The following UNC13B variants were observed in gnomAD, a reference collection of about 807,000 sequenced individuals.
UNC13B encodes the protein protein unc-13 homolog B.
In UNC13B, 144 loss-of-function variants were observed where a neutral mutation model predicts 211.0. The ratio of observed to expected loss-of-function variants is 0.68; its 90% CI spans 0.60 to 0.78. The LOEUF (loss-of-function observed/expected upper bound fraction) is 0.78. Among genes scored for constraint, UNC13B ranks in the 30% least tolerant of loss-of-function variants. UNC13B has a pLI of 0.00. For missense variants in UNC13B, 1,777 were observed against 2,002.0 expected, an observed-to-expected ratio of 0.89 and a Z score of 2.14; for synonymous variants, 709 against 725.8, an observed-to-expected ratio of 0.98 and a Z score of 0.37.
chr9:35,395,703 T>C (rs146149570), intron 26 of UNC13B, among the ~76,000 whole-genome samples: 4 of 152,350 alleles, frequency 2.6e-5, no homozygotes, highest in Non-Finnish European at 5.9e-5. Context: ...CTCCAGACTC[T>C]GAGCAAATTG....
At position 35,302,392 on chromosome 9, in the gene UNC13B, T is replaced by C. The variant is rs1829728897; in HGVS notation, c.2988T>C (p.Pro996=). The change falls in exon 9 of 40, where the codon CCT becomes CCC. Residue 996 remains proline, a synonymous_variant. Coordinates refer to ENST00000635942, the MANE Select transcript of UNC13B (RefSeq NM_001371189.2). ...ATAAGAATGACCAAGTAAATTGTCC[T>C]GAAGATGCCAAACTTAGTTCAATAA... The part of the protein sequence containing the change: ...EFNKNDQVNC[P]EDAKLSSIKS... 7.5e-6 allele frequency: 3 copies of C among 398,534 alleles called. No individual in the cohort carries two copies. In the South Asian group the frequency reaches 3.8e-4, roughly 51 times the overall value. The allele number at this position is 398,534 out of a possible 1,614,324, so 24.7% of individuals were successfully genotyped here. A position where few individuals can be genotyped will look rare whatever the true frequency, so the allele number is the denominator to read the frequency against.
chr9:35,179,759 C>T (rs1821833801), intron 1 of UNC13B, among the ~76,000 whole-genome samples: 1 of 152,054 alleles, frequency 6.6e-6, no homozygotes, highest in Non-Finnish European at 1.5e-5. Flanking sequence ...CCACTGTGCC[C>T]TAGCCCAGCC....
intron 1 of UNC13B, among the ~76,000 whole-genome samples, chr9:35,186,035 A>T (rs1282756320): frequency 6.6e-6 from 1 of 152,056 alleles, no homozygotes; most frequent in African/African-American, 2.4e-5. Flanking sequence ...CTGAAAAACT[A>T]CTTCAGGGCA....
rs2131822251 is a variant in UNC13B at position 35,300,510 on chromosome 9, T to G, written c.1106T>G (p.Ile369Ser). ...GTCACTAATTTTACCTCATTAGATA[T>G]TCTTGAAGATTCTACTAGTAGTACT... ...QHVTNFTSLD[I>S]LEDSTSSTSD... is the part of the protein sequence containing the mutation. Residue 369 changes from isoleucine to serine, a missense_variant, in exon 9 of 40, where the codon ATT becomes AGT. By Grantham distance (142) the Ile-to-Ser change is moderately radical. Transcript: ENST00000635942. The G allele has an allele frequency of 2.5e-6, 1 of 399,032 alleles. No homozygotes were observed. Among genetic ancestry groups the G allele is most frequent in the Middle Eastern group, 6.3e-4 (1 of 1,588 alleles). The allele number at this position is 399,032 out of a possible 1,614,324, so 24.7% of individuals were successfully genotyped here.
chr9:35,183,340 T>C lies in UNC13B; in HGVS notation c.22+21035T>C, dbSNP rs1158175167. Among the ~76,000 whole-genome samples, 12 of 110,788 alleles carry C rather than the reference T, an allele frequency of 1.1e-4. 4 individuals carry two copies. The highest frequency in any genetic ancestry group is 3.8e-4 in the Admixed American group (4 of 10,456). 72.7% of individuals were successfully genotyped at this position (110,788 alleles called of 152,430 possible). A position where few individuals can be genotyped will look rare whatever the true frequency, so the allele number is the denominator to read the frequency against. On this transcript the variant is annotated intron_variant, in intron 1 of 39. Coordinates refer to ENST00000635942, the MANE Select transcript of UNC13B (RefSeq NM_001371189.2). ...CGGGGCAGCCGGGCAGAGGCGCCCC[T>C]CACCTCCCAGGCGGGGCGGCCGGGC...
At chr9:35,383,590 AG>A (rs1216016617) in intron 21 of UNC13B, among the ~76,000 whole-genome samples, 1 of 152,206 alleles carries the variant, frequency 6.6e-6, no homozygotes, top group Non-Finnish European at 1.5e-5. Flanking sequence ...TATGAGTTCT[AG>A]GAGTGGGATG....
chr9:35,168,658 C>A (rs960397387), intron 1 of UNC13B, among the ~76,000 whole-genome samples: 1 of 147,982 alleles, frequency 6.8e-6, no homozygotes, highest in Admixed American at 6.7e-5. Flanking sequence ...ATGTACTTTT[C>A]TTTCTTATTT....
At position 35,370,385 on chromosome 9, in the gene UNC13B, G is replaced by A. The variant is rs778729417; in HGVS notation, c.9529G>A (p.Val3177Ile). 12 of 1,613,742 alleles carry A rather than the reference G, an allele frequency of 7.4e-6. No individual in the cohort carries two copies. The East Asian group carries it at 2.5e-4, about 33-fold the overall frequency. Residue 3177 changes from valine (V) to isoleucine (I), a missense_variant, in exon 13 of 40, where the codon GTC becomes ATC. Transcript: ENST00000635942. ...ACGCAGAAAGAAGCCACTGCCACTT[G>A]TCAGTGATCTGGTGAGTGAAGACTC... ...DLRRKKPLPL[V>I]SDLSLVQSRK...
At chr9:35,383,963 CAT>C (rs1376393364) in intron 21 of UNC13B, among the ~76,000 whole-genome samples, 2 of 152,332 alleles carry the variant, frequency 1.3e-5, no homozygotes, top group East Asian at 3.9e-4. Context: ...TATTGACTCT[CAT>C]ATAGAAGGAG....
Position 35,398,583 on chromosome 9 carries a change from G to T in UNC13B, c.11862G>T (p.Lys3954Asn). ...ELDLEAADSL[K>N]ELQVKLNTVL... ...ACCTTGAAGCTGCAGACAGTCTGAA[G>T]GAGCTGCAGGTGAAACTGAATACGG... is the stretch of plus-strand genomic sequence containing the variant. Residue 3954 changes from lysine to asparagine, a missense_variant, in exon 32 of 40, where the codon AAG becomes AAT. Physicochemically the swap from Lys to Asn is moderately conservative, Grantham distance 94. Coordinates refer to ENST00000635942, the MANE Select transcript of UNC13B (RefSeq NM_001371189.2). 1 of 1,614,056 alleles carries T rather than the reference G, an allele frequency of 6.2e-7. No individual in the cohort carries two copies. Among genetic ancestry groups the T allele is most frequent in the African/African-American group, 1.3e-5 (1 of 75,018 alleles).
chr9:35,266,197 A>G (rs1260225261), intron 7 of UNC13B, among the ~76,000 whole-genome samples: 1 of 152,146 alleles, frequency 6.6e-6, no homozygotes, highest in Admixed American at 6.6e-5. Flanking sequence ...TAATAAATGG[A>G]GGTGGTGTTC....
In UNC13B at chr9:35,399,714, C is replaced by T; in HGVS notation, c.12321C>T (p.Ala4107=). The T allele has an allele frequency of 6.2e-7, 1 of 1,614,050 alleles. No homozygotes were observed. Among genetic ancestry groups the T allele is most frequent in the Non-Finnish European group, 8.5e-7 (1 of 1,179,992 alleles). ...TPKQCAVLDL[A]LDTIKQYFHA... ...AGCAGTGTGCAGTCCTTGACCTCGCCCTGGACACCATCAAGGTGGAGGCCC... is the reference window on the plus strand; with the variant it reads ...AGCAGTGTGCAGTCCTTGACCTCGCTCTGGACACCATCAAGGTGGAGGCCC... Residue 4107 remains alanine (A), a synonymous_variant, in exon 36 of 40, where the codon GCC becomes GCT. Transcript: ENST00000635942.
At chr9:35,279,114 A>T (rs763369187) in intron 7 of UNC13B, among the ~76,000 whole-genome samples, 1 of 152,182 alleles carries the variant, frequency 6.6e-6, no homozygotes, top group Non-Finnish European at 1.5e-5. Flanking sequence ...ACATTCATAA[A>T]TTGTAGAACC....
intron 1 of UNC13B, among the ~76,000 whole-genome samples, chr9:35,204,286 A>G (rs1365585734): frequency 6.6e-6 from 1 of 152,244 alleles, no homozygotes; most frequent in African/African-American, 2.4e-5. Flanking sequence ...GCAGGGTTTG[A>G]GCCCTCATGG....
chr9:35,204,241 A>C (rs1385852664), intron 1 of UNC13B, among the ~76,000 whole-genome samples: 1 of 152,224 alleles, frequency 6.6e-6, no homozygotes, highest in African/African-American at 2.4e-5. Context: ...CAGAGGATGT[A>C]TGGAAAAGCC....
At chr9:35,214,286 G>A (rs182230210) in intron 1 of UNC13B, among the ~76,000 whole-genome samples, 52 of 152,184 alleles carry the variant, frequency 3.4e-4, no homozygotes, top group Non-Finnish European at 4.9e-4. Context: ...AAATAGCTGG[G>A]TGTAGTGGTG....
At chr9:35,314,488 C>T (rs1221757908) in intron 11 of UNC13B, among the ~76,000 whole-genome samples, 1 of 152,078 alleles carries the variant, frequency 6.6e-6, no homozygotes, top group Non-Finnish European at 1.5e-5. Context: ...TTCAGTGTTA[C>T]AAGTTTGAAG....
chr9:35,246,752 A>G (rs1309013385), intron 6 of UNC13B, among the ~76,000 whole-genome samples: 1 of 152,190 alleles, frequency 6.6e-6, no homozygotes, highest in Non-Finnish European at 1.5e-5. Flanking sequence ...TAATTACCGT[A>G]GCCTTGTAAT....
intron 12 of UNC13B, among the ~76,000 whole-genome samples, chr9:35,369,866 A>G (rs1301586795): frequency 6.6e-6 from 1 of 152,096 alleles, no homozygotes; most frequent in Non-Finnish European, 1.5e-5. Context: ...TGTCTGGTAT[A>G]GTCTTACTCA....
Sources: allele counts gnomAD v4.1 joint callset (sites outside exome capture counted in the v4.1 genomes callset), GRCh38; gene constraint gnomAD v4.1.1; transcripts MANE v1.5; gene names NCBI Gene and HGNC (gene_info 2026-07-23, HGNC 2026-07-21).